The following LPAR6 variants were observed in gnomAD, a reference collection of about 807,000 sequenced individuals.
LPAR6 encodes the protein G-protein coupled purinergic receptor P2Y5.
In LPAR6, 17 loss-of-function variants were observed where a neutral mutation model predicts 22.0. The observed-to-expected ratio is 0.77, with a 90% CI of 0.53 to 1.16. LPAR6 has a LOEUF of 1.16. Among genes scored for constraint, LPAR6 ranks in the 50% most tolerant of loss-of-function variants. The pLI is 0.00. For synonymous variants in LPAR6, 136 were observed against 139.8 expected, an observed-to-expected ratio of 0.97 and a Z score of 0.19; for missense variants, 384 against 406.9, an observed-to-expected ratio of 0.94 and a Z score of 0.48.
intron 1 of LPAR6, chr13:48,424,122 A>G (rs562299882): frequency 4.5e-4 from 69 of 152,734 alleles, no homozygotes; most frequent in African/African-American, 1.6e-3. Flanking sequence ...AAAATTTTCT[A>G]TTTAGGTATA....
At chr13:48,392,852 G>C (rs1029092490) in intron 1 of LPAR6, among the ~76,000 whole-genome samples, 1 of 151,928 alleles carries the variant, frequency 6.6e-6, no homozygotes, top group Non-Finnish European at 1.5e-5. Context: ...TTTTGCTTTA[G>C]TGGGTCCTGG....
At chr13:48,404,687 C>G (rs375171453) in intron 1 of LPAR6, among the ~76,000 whole-genome samples, 1 of 151,956 alleles carries the variant, frequency 6.6e-6, no homozygotes, top group South Asian at 2.1e-4. Context: ...ACAACGCGCC[C>G]AGATAATTTT....
At chr13:48,429,600 C>T (rs1351440249), upstream of LPAR6, 2 of 150,966 alleles carry the variant, frequency 1.3e-5, no homozygotes, top group Non-Finnish European at 3.0e-5. Flanking sequence ...AAAAAAAAAA[C>T]AAAAAACCTT....
At chr13:48,415,967 G>A (rs1046288942), upstream of LPAR6, among the ~76,000 whole-genome samples, 4 of 152,166 alleles carry the variant, frequency 2.6e-5, no homozygotes, top group African/African-American at 7.2e-5. Context: ...GGGAGGTAAT[G>A]AATCCATATA....
chr13:48,428,573 A>C (rs538332382), upstream of LPAR6, among the ~76,000 whole-genome samples: 2 of 152,378 alleles, frequency 1.3e-5, no homozygotes, highest in East Asian at 3.9e-4. Flanking sequence ...TTAAGCAAAG[A>C]ACTTTGTCTT....
At chr13:48,422,953 C>A (rs1593501699) in intron 1 of LPAR6, among the ~76,000 whole-genome samples, 1 of 152,046 alleles carries the variant, frequency 6.6e-6, no homozygotes, top group East Asian at 1.9e-4. Flanking sequence ...CCAGCCTAGG[C>A]AACATAGTGA....
chr13:48,408,217 A>G (rs920862086), downstream of LPAR6, among the ~76,000 whole-genome samples: 8 of 151,958 alleles, frequency 5.3e-5, no homozygotes, highest in Non-Finnish European at 1.0e-4. Flanking sequence ...AGGTTCATTG[A>G]TAGCTCCTTA....
At chr13:48,443,928 T>C (rs780480186) in intron 1 of LPAR6, among the ~76,000 whole-genome samples, 1 of 152,194 alleles carries the variant, frequency 6.6e-6, no homozygotes, top group African/African-American at 2.4e-5. Context: ...AACCATGTTT[T>C]TCTTCTGCTC....
intron 1 of LPAR6, among the ~76,000 whole-genome samples, chr13:48,423,629 C>T (rs893184684): frequency 5.9e-5 from 9 of 151,748 alleles, no homozygotes; most frequent in Admixed American, 4.6e-4. Context: ...TTAAAAGTTT[C>T]GAAGGCCATA....
At chr13:48,390,846 T>C (rs565385453) in intron 1 of LPAR6, among the ~76,000 whole-genome samples, 140 of 152,296 alleles carry the variant, frequency 9.2e-4, no homozygotes, top group Middle Eastern at 3.4e-3. Context: ...TATACGTGTC[T>C]TTATTCTTAA....
intron 2 of LPAR6, among the ~76,000 whole-genome samples, chr13:48,420,907 C>T (rs1180754523): frequency 6.6e-6 from 1 of 152,180 alleles, no homozygotes; most frequent in African/African-American, 2.4e-5. Context: ...AATGGAAGAA[C>T]ATTCCATGTT....
At chr13:48,407,795 T>C (rs138486262), downstream of LPAR6, among the ~76,000 whole-genome samples, 57 of 152,304 alleles carry the variant, frequency 3.7e-4, no homozygotes, top group African/African-American at 1.4e-3. Context: ...GTCTTTAAGA[T>C]TTCATCCCTG....
chr13:48,442,234 T>C (rs1249003638), intron 1 of LPAR6, among the ~76,000 whole-genome samples: 1 of 151,960 alleles, frequency 6.6e-6, no homozygotes, highest in Non-Finnish European at 1.5e-5. Context: ...GGAGTCTTGC[T>C]CTGTTGCCCA....
rs1454837087 is a variant in LPAR6 at position 48,412,671 on chromosome 13, A to G, written c.-248T>C. 1.9e-6 allele frequency: 1 copy of G among 536,690 alleles called. No homozygotes were observed. The highest frequency in any genetic ancestry group is 1.9e-5 in the African/African-American group (1 of 52,232). The allele number at this position is 536,690 out of a possible 1,614,324, so 33.2% of individuals were successfully genotyped here. On this transcript the variant is annotated 5_prime_UTR_variant, in exon 1 of 1. Transcript: ENST00000620633. ...TTGTTAGTCTTTAGAAAATCCATGA[A>G]TTCCAAGGCTCAGTTAACTGACGAG...
Position 48,412,604 on chromosome 13 carries a change from G to C in LPAR6, c.-181C>G, listed in dbSNP as rs1445493802. The C allele has an allele frequency of 3.2e-6, 2 of 624,000 alleles. No individual in the cohort carries two copies. The highest frequency in any genetic ancestry group is 5.5e-5 in the East Asian group (2 of 36,070). 38.7% of individuals were successfully genotyped at this position (624,000 alleles called of 1,614,324 possible). A position where few individuals can be genotyped will look rare whatever the true frequency, so the allele number is the denominator to read the frequency against. On this transcript the variant is annotated 5_prime_UTR_variant, in exon 1 of 1. Transcript: ENST00000620633. The stretch of plus-strand genomic sequence containing the variant: ...CAAAAGAAACATGAAATTTGTTGCT[G>C]TAAAATTTCCGCTGGGTTCTTCAAC...
At chr13:48,401,543 T>A (rs1948691779) in intron 1 of LPAR6, 1 of 152,212 alleles carries the variant, frequency 6.6e-6, no homozygotes. Context: ...GGCATTTCAT[T>A]TTTCCAACTA....
chr13:48,422,948 C>T (rs1199585550), intron 1 of LPAR6, among the ~76,000 whole-genome samples: 1 of 152,048 alleles, frequency 6.6e-6, no homozygotes, highest in Non-Finnish European at 1.5e-5. Context: ...CAAGACCAGC[C>T]TAGGCAACAT....
At chr13:48,409,901 A>T (rs1948778156), downstream of LPAR6, among the ~76,000 whole-genome samples, 1 of 152,070 alleles carries the variant, frequency 6.6e-6, no homozygotes, top group African/African-American at 2.4e-5. Flanking sequence ...AAAAAGGAAT[A>T]TGTTGGATAA....
intron 1 of LPAR6, among the ~76,000 whole-genome samples, chr13:48,394,733 G>A (rs187710715): frequency 2.0e-5 from 3 of 152,190 alleles, no homozygotes; most frequent in Non-Finnish European, 4.4e-5. Context: ...TGAAAGAAAG[G>A]CAGCAGCCCC....
Sources: gnomAD v4.1 joint callset for allele counts (sites outside exome capture counted in the v4.1 genomes callset) on GRCh38, gnomAD v4.1.1 for gene constraint, MANE v1.5 for transcripts, NCBI Gene and HGNC (gene_info 2026-07-23, HGNC 2026-07-21) for gene names.